The following DPH6 variants were observed in gnomAD, a reference collection of about 807,000 sequenced individuals.
DPH6 encodes the protein diphthamine biosynthesis 6, also known as diphthine--ammonia ligase.
Under a neutral mutation model 38.2 loss-of-function variants are expected in DPH6, and 33 were observed. That is an observed-to-expected ratio of 0.86 (90% CI 0.65 to 1.15). The LOEUF (loss-of-function observed/expected upper bound fraction) is 1.15, where lower values mean the gene tolerates loss of function less well. Among genes scored for constraint, DPH6 ranks in the 50% most tolerant of loss-of-function variants. DPH6 has a pLI of 0.00. For synonymous variants in DPH6, 108 were observed against 103.0 expected (o/e 1.05, Z -0.30); for missense variants, 325 against 320.0 (o/e 1.02, Z -0.12).
At chr15:35,262,345 T>C (rs1299979522) in intron 3 of DPH6, among the ~76,000 whole-genome samples, 2 of 152,234 alleles carry the variant, frequency 1.3e-5, no homozygotes, top group African/African-American at 4.8e-5. Context: ...TGACTCAGAA[T>C]ACATTTAATT....
In DPH6 at chr15:35,381,849, C is replaced by G; in HGVS notation, c.635G>C (p.Cys212Ser). The change falls in exon 7 of 9, where the codon TGC becomes TCC. Residue 212 changes from cysteine (C) to serine (S), a missense_variant. Coordinates refer to ENST00000256538, the MANE Select transcript of DPH6 (RefSeq NM_080650.4). ...AATTATTTTCTTCTTAAATAGAGGG[C>G]AATCCAAAGTGAAAGTTTCATACTC... ...GGEYETFTLDCPLFKKKIIVD... is the reference protein window; with the variant it reads ...GGEYETFTLDSPLFKKKIIVD... The G allele has an allele frequency of 6.2e-7, 1 of 1,612,942 alleles. No homozygotes were observed. The highest frequency in any genetic ancestry group is 8.5e-7 in the Non-Finnish European group (1 of 1,179,140).
At chr15:35,332,066 C>A (rs1192256272) in intron 3 of DPH6, among the ~76,000 whole-genome samples, 1 of 152,180 alleles carries the variant, frequency 6.6e-6, no homozygotes, top group Non-Finnish European at 1.5e-5. Flanking sequence ...GATGCCAAGT[C>A]AGCTACAAAA....
At chr15:35,159,939 T>C in the DPH6 span, among the ~76,000 whole-genome samples, 34 of 152,108 alleles carry the variant, frequency 2.2e-4, no homozygotes, top group East Asian at 5.8e-3. Flanking sequence ...CTAAGCAAAC[T>C]AATGTAGAAA....
intron 7 of DPH6, 79 bp downstream of exon 7, chr15:35,381,743 T>TAA: frequency 9.0e-7 from 1 of 1,114,528 alleles, no homozygotes; most frequent in Non-Finnish European, 1.3e-6. Context: ...CCAACAAAAG[T>TAA]TGCCTCAAGC....
At chr15:35,482,335 T>C (rs547103136) in intron 3 of DPH6, among the ~76,000 whole-genome samples, 5 of 152,298 alleles carry the variant, frequency 3.3e-5, no homozygotes, top group Admixed American at 3.3e-4. Flanking sequence ...ATACATTATG[T>C]TGGAGTCACC....
At chr15:35,353,655 C>A (rs9708055) in intron 3 of DPH6, among the ~76,000 whole-genome samples, 41,493 of 151,972 alleles carry the variant, frequency 0.27, 5,920 homozygotes, top group South Asian at 0.38. Context: ...GTTTTGGTAC[C>A]AGTAGCATGC....
At chr15:35,374,809 G>A (rs1232983434) in intron 7 of DPH6, among the ~76,000 whole-genome samples, 1 of 152,034 alleles carries the variant, frequency 6.6e-6, no homozygotes, top group Admixed American at 6.6e-5. Context: ...GTATGATGAG[G>A]AGCAGCAGCA....
chr15:35,413,942 A>C (rs1456839453), intron 5 of DPH6, among the ~76,000 whole-genome samples: 2 of 151,682 alleles, frequency 1.3e-5, no homozygotes, highest in African/African-American at 2.4e-5. Context: ...GTGATTTTTT[A>C]CATACATTCA....
chr15:35,358,196 A>G (rs1389582041), intron 3 of DPH6, among the ~76,000 whole-genome samples: 1 of 151,882 alleles, frequency 6.6e-6, no homozygotes, highest in Non-Finnish European at 1.5e-5. Context: ...AGTATTTCAC[A>G]TTTCTAACAG....
At chr15:35,263,604 C>T (rs2051763609) in intron 3 of DPH6, among the ~76,000 whole-genome samples, 1 of 151,818 alleles carries the variant, frequency 6.6e-6, no homozygotes, top group Non-Finnish European at 1.5e-5. Flanking sequence ...GACAGTCTCA[C>T]TATATTGCCA....
intron 5 of DPH6, among the ~76,000 whole-genome samples, chr15:35,419,182 G>A (rs1211681751): frequency 6.6e-6 from 1 of 151,956 alleles, no homozygotes; most frequent in Non-Finnish European, 1.5e-5. Context: ...TGTTTTGTGG[G>A]TAAATATGAT....
intron 3 of DPH6, chr15:35,238,126 C>T (rs1486034661): frequency 2.3e-5 from 29 of 1,234,766 alleles, no homozygotes; most frequent in Non-Finnish European, 3.3e-5. Flanking sequence ...ATATCCCCTC[C>T]CCCGCTCCAA....
chr15:35,185,011 G>C, the DPH6 span, among the ~76,000 whole-genome samples: 1 of 151,850 alleles, frequency 6.6e-6, no homozygotes, highest in Non-Finnish European at 1.5e-5. Context: ...AAATTGACTA[G>C]GAAGAATAGA....
intron 3 of DPH6, among the ~76,000 whole-genome samples, chr15:35,349,521 C>G (rs1445840716): frequency 2.0e-5 from 3 of 152,174 alleles, no homozygotes; most frequent in African/African-American, 7.2e-5. Flanking sequence ...ACTGCAACCT[C>G]TGCCTTCTGG....
chr15:35,289,162 T>G (rs1013299872), intron 3 of DPH6, among the ~76,000 whole-genome samples: 4 of 152,190 alleles, frequency 2.6e-5, no homozygotes, highest in Non-Finnish European at 5.9e-5. Context: ...TCACTACAAA[T>G]GAGATGGCTC....
intron 3 of DPH6, among the ~76,000 whole-genome samples, chr15:35,355,035 C>T (rs8033878): frequency 0.089 from 13,483 of 152,158 alleles, 687 homozygotes; most frequent in Middle Eastern, 0.18. Context: ...TTTACCATTA[C>T]GTAATGGCCT....
At chr15:35,340,916 G>A (rs1433137398) in intron 3 of DPH6, among the ~76,000 whole-genome samples, 6 of 152,148 alleles carry the variant, frequency 3.9e-5, no homozygotes, top group Non-Finnish European at 1.5e-5. Flanking sequence ...GAATTTGAAT[G>A]TTGGCCTGTC....
At chr15:35,360,965 G>A (rs2052609295) in intron 3 of DPH6, among the ~76,000 whole-genome samples, 1 of 152,156 alleles carries the variant, frequency 6.6e-6, no homozygotes, top group Non-Finnish European at 1.5e-5. Flanking sequence ...GCAAAGCAGG[G>A]CTGTAGCTGA....
chr15:35,322,229 T>C (rs1275363105), intron 3 of DPH6, among the ~76,000 whole-genome samples: 1 of 152,186 alleles, frequency 6.6e-6, no homozygotes, highest in Non-Finnish European at 1.5e-5. Context: ...TCTTGAGCAG[T>C]AAGGGATTAT....
Sources: gnomAD v4.1 joint callset for allele counts (sites outside exome capture counted in the v4.1 genomes callset) on GRCh38, gnomAD v4.1.1 for gene constraint, MANE v1.5 for transcripts, NCBI Gene and HGNC (gene_info 2026-07-23, HGNC 2026-07-21) for gene names.